Variants in KIFBP observed in about 807,000 individuals in gnomAD.
KIFBP encodes the protein KIF-binding protein.
A neutral mutation model predicts 58.9 loss-of-function variants in KIFBP; 46 were observed. The observed-to-expected ratio is 0.78, with a 90% CI of 0.62 to 1.00. The LOEUF is 1.00. Among genes scored for constraint, KIFBP ranks in the 50% least tolerant of loss-of-function variants. The pLI, the probability that KIFBP is intolerant of heterozygous loss-of-function variation, is 0.00. For missense variants in KIFBP, 651 were observed against 752.9 expected (o/e 0.86, Z 1.58); for synonymous variants, 241 against 283.4 (o/e 0.85, Z 1.50).
intron 2 of KIFBP, among the ~76,000 whole-genome samples, 158 bp from the exon 3 acceptor site, chr10:69,004,888 A>G (rs1039412388): frequency 2.0e-5 from 3 of 152,224 alleles, no homozygotes; most frequent in Non-Finnish European, 4.4e-5. Context: ...TAAAAATTTA[A>G]AAAACAGAAA....
intron 2 of KIFBP, among the ~76,000 whole-genome samples, chr10:69,002,602 G>A (rs1564636153): frequency 6.6e-6 from 1 of 152,068 alleles, no homozygotes; most frequent in Non-Finnish European, 1.5e-5. Context: ...TGTAAGGTCT[G>A]AGGCCAGGCA....
At chr10:69,011,621 T>A (rs1450023771) in intron 6 of KIFBP, among the ~76,000 whole-genome samples, 1 of 150,620 alleles carries the variant, frequency 6.6e-6, no homozygotes, top group Non-Finnish European at 1.5e-5. Context: ...TGGGCTCAAG[T>A]GATCTTCCTG....
Position 69,008,355 on chromosome 10 carries a change from C to G in KIFBP, c.790-486C>G, listed in dbSNP as rs1415206736. 3.2e-5 allele frequency among the ~76,000 whole-genome samples: 4 copies of G among 124,424 alleles called. No individual in the cohort carries two copies. The East Asian group carries it at 8.7e-4, about 27-fold the overall frequency. 81.6% of individuals were successfully genotyped at this position (124,424 alleles called of 152,430 possible). A position where few individuals can be genotyped will look rare whatever the true frequency, so the allele number is the denominator to read the frequency against. On this transcript the variant is annotated intron_variant, in intron 4 of 6. Coordinates refer to ENST00000361983, the MANE Select transcript of KIFBP (RefSeq NM_015634.4). ...TGTGCCACTGCACTCCAGCCTTGGG[C>G]CAGAGTGAGACCCCTGTCTCGTAAA... is the stretch of plus-strand genomic sequence containing the variant.
At chr10:69,007,037 T>G (rs1843543795) in intron 4 of KIFBP, 1 of 152,216 alleles carries the variant, frequency 6.6e-6, no homozygotes, top group Non-Finnish European at 1.5e-5. Context: ...TTGTGACATC[T>G]TTTTTACAGC....
At chr10:69,003,375 A>G (rs888180731) in intron 2 of KIFBP, among the ~76,000 whole-genome samples, 2 of 152,062 alleles carry the variant, frequency 1.3e-5, no homozygotes, top group African/African-American at 4.8e-5. Flanking sequence ...AGTTGTTTTT[A>G]CTTTATGTGA....
Position 69,015,610 on chromosome 10 carries a change from G to T in KIFBP, c.1060G>T (p.Glu354Ter). 1 of 1,613,804 alleles carries T rather than the reference G, an allele frequency of 6.2e-7. No individual in the cohort carries two copies. Among genetic ancestry groups the T allele is most frequent in the Non-Finnish European group, 8.5e-7 (1 of 1,179,924 alleles). Residue 354 changes from glutamate to a stop codon, truncating the protein, a stop_gained, in exon 7 of 7, where the codon GAG becomes TAG. Transcript: ENST00000361983. LOFTEE classifies it high-confidence loss of function. ...AGCTTTAAGGAAAAAAGAACTAGAT[G>T]AGGAGGAAAGCATTCGGAAAAAAGC... ...LRALRKKELD[E>*]EESIRKKAVQ...
intron 2 of KIFBP, among the ~76,000 whole-genome samples, chr10:69,002,120 C>T (rs1438939307): frequency 1.3e-5 from 2 of 151,306 alleles, no homozygotes; most frequent in Non-Finnish European, 2.9e-5. Flanking sequence ...GAGCTATCAT[C>T]GAACCACTGT....
chr10:69,011,390 A>ATCTTTT (rs752898763), intron 6 of KIFBP: 1 of 146,872 alleles, frequency 6.8e-6, no homozygotes, highest in African/African-American at 2.9e-5. Context: ...GAACGATATC[A>ATCTTTT]TATTCTTTTT....
Position 68,989,211 on chromosome 10 carries a change from A to G in KIFBP, c.379A>G (p.Arg127Gly), listed in dbSNP as rs751092379. The stretch of plus-strand genomic sequence containing the variant: ...GGTGAAATGCCTGCGGCTGCTGCGC[A>G]GGTACCGGCTCTCGCACGACTGCAT... The part of the protein sequence containing the change: ...HLVKCLRLLR[R>G]YRLSHDCISL... Residue 127 changes from arginine (R) to glycine (G), a missense_variant, in exon 1 of 7, where the codon AGG becomes GGG. Arg to Gly is a moderately radical substitution (Grantham distance 125). Transcript: ENST00000361983. 1 of 1,613,590 alleles carries G rather than the reference A, an allele frequency of 6.2e-7. No individual in the cohort carries two copies. Among genetic ancestry groups the G allele is most frequent in the Non-Finnish European group, 8.5e-7 (1 of 1,179,954 alleles).
chr10:68,999,699 A>G (rs1843443593), intron 1 of KIFBP: 2 of 152,108 alleles, frequency 1.3e-5, no homozygotes, highest in African/African-American at 4.8e-5. Context: ...TCCTTTCCAT[A>G]TGGGCTTCTC....
intron 1 of KIFBP, among the ~76,000 whole-genome samples, chr10:69,000,044 CAAAAAAAAAAAAA>C (rs766080138): frequency 2.0e-5 from 1 of 50,676 alleles, no homozygotes; most frequent in African/African-American, 7.4e-5. Flanking sequence ...GACTCCGTCT[CAAAAAAAAAAAAA>C]AAAAAAAAGC....
At chr10:69,002,729 T>TA (rs1174889732) in intron 2 of KIFBP, among the ~76,000 whole-genome samples, 3 of 146,770 alleles carry the variant, frequency 2.0e-5, no homozygotes, top group Admixed American at 1.4e-4. Flanking sequence ...CTACAAAAAC[T>TA]AAAAAAAAAT....
rs1228728232 is a variant in KIFBP, at chr10:68,998,773, T to TA, written c.427-1651_427-1650insA. ...TACATATATGTATATATATATATAT[T>TA]TTTTTTTTTTTTTTTTTTTTGAGAC... On this transcript the variant is annotated intron_variant, in intron 1 of 6. Transcript: ENST00000361983. Among the ~76,000 whole-genome samples the TA allele has an allele frequency of 6.8e-3, 411 of 60,070 alleles. 1 individual carries two copies. Among genetic ancestry groups the TA allele is most frequent in the African/African-American group, 0.019 (355 of 18,960 alleles). 39.4% of individuals were successfully genotyped at this position (60,070 alleles called of 152,430 possible).
chr10:69,013,965 G>A (rs1843618827), intron 6 of KIFBP, among the ~76,000 whole-genome samples: 1 of 152,058 alleles, frequency 6.6e-6, no homozygotes, highest in South Asian at 2.1e-4. Context: ...TGCCCAGGCT[G>A]GTCTTGAACT....
At chr10:68,995,468 C>T (rs766523212) in intron 1 of KIFBP, among the ~76,000 whole-genome samples, 10 of 151,870 alleles carry the variant, frequency 6.6e-5, no homozygotes, top group Non-Finnish European at 1.5e-4. Context: ...AAATGTTAAA[C>T]TAATCTTGCA....
At position 69,016,729 on chromosome 10, in the gene KIFBP, CCT is replaced by C; in HGVS notation, c.*314_*315del. The C allele has an allele frequency of 4.0e-6, 1 of 250,024 alleles. No homozygotes were observed. The highest frequency in any genetic ancestry group is 7.7e-6 in the Non-Finnish European group (1 of 129,836). 15.5% of individuals were successfully genotyped at this position (250,024 alleles called of 1,614,324 possible). ...TTTGTTGGCTAGTACTTGATAGATT[CCT>C]TGTAAGAAAAAATGCTGGGTAATGT... On this transcript the variant is annotated 3_prime_UTR_variant, in exon 7 of 7. Coordinates refer to ENST00000361983, the MANE Select transcript of KIFBP (RefSeq NM_015634.4).
At chr10:69,000,053 A>T (rs1398728678) in intron 1 of KIFBP, among the ~76,000 whole-genome samples, 1 of 151,880 alleles carries the variant, frequency 6.6e-6, no homozygotes, top group Non-Finnish European at 1.5e-5. Flanking sequence ...TCAAAAAAAA[A>T]AAAAAAAAAA....
chr10:69,011,102 C>T (rs1025019487), intron 6 of KIFBP, 87 bp downstream of exon 6: 2 of 863,122 alleles, frequency 2.3e-6, no homozygotes, highest in African/African-American at 3.3e-5. Flanking sequence ...TCATTGGGGT[C>T]ACATTGTGTT....
chr10:68,994,301 A>G (rs776428612), intron 1 of KIFBP, among the ~76,000 whole-genome samples: 19 of 152,218 alleles, frequency 1.2e-4, no homozygotes, highest in Admixed American at 2.6e-4. Flanking sequence ...ATACATGTGA[A>G]TATATACAAA....
Sources: allele counts gnomAD v4.1 joint callset (sites outside exome capture counted in the v4.1 genomes callset), GRCh38; gene constraint gnomAD v4.1.1; transcripts MANE v1.5; gene names NCBI Gene and HGNC (gene_info 2026-07-23, HGNC 2026-07-21).